Variants in TGM3 observed in about 807,000 individuals in gnomAD.
TGM3 encodes the protein protein-glutamine gamma-glutamyltransferase E.
TGM3 carries 52 observed loss-of-function variants against 73.8 expected under a neutral mutation model. The ratio of observed to expected loss-of-function variants is 0.70; its 90% CI spans 0.56 to 0.89. TGM3 has a LOEUF of 0.89. Ranked by LOEUF, TGM3 falls within the 40% of genes least tolerant of loss-of-function variation. The probability of loss-of-function intolerance (pLI) is 0.00; values close to 1 mark genes in which losing one functional copy is unlikely to be tolerated. For missense variants in TGM3, 928 were observed against 909.9 expected, an observed-to-expected ratio of 1.02 and a Z score of -0.26; for synonymous variants, 372 against 354.9, an observed-to-expected ratio of 1.05 and a Z score of -0.54.
intron 1 of TGM3, among the ~76,000 whole-genome samples, chr20:2,305,857 T>C (rs981732501): frequency 2.0e-5 from 3 of 152,188 alleles, no homozygotes; most frequent in African/African-American, 7.2e-5. Flanking sequence ...GCCTGCCTTA[T>C]GGAGTTAATG....
rs926084344 is a variant in TGM3 at position 2,296,981 on chromosome 20, T to C, written c.7+911T>C. Among the ~76,000 whole-genome samples the C allele has an allele frequency of 5.3e-5, 8 of 152,362 alleles. No individual in the cohort carries two copies. In the South Asian group the frequency reaches 1.7e-3, roughly 32 times the overall value. ...AATGCAACAGGCAAATGCTGGCTACTTCAGAAGCCACAAAAACTGGGACAG... is the reference window on the plus strand; with the variant it reads ...AATGCAACAGGCAAATGCTGGCTACCTCAGAAGCCACAAAAACTGGGACAG... On this transcript the variant is annotated intron_variant, in intron 1 of 12. Coordinates refer to ENST00000381458, the MANE Select transcript of TGM3 (RefSeq NM_003245.4).
intron 7 of TGM3, among the ~76,000 whole-genome samples, chr20:2,318,035 T>C (rs2084244924): frequency 6.6e-6 from 1 of 151,638 alleles, no homozygotes; most frequent in Non-Finnish European, 1.5e-5. Context: ...AATTATTTTT[T>C]TGAGATGGAG....
chr20:2,339,876 G>C lies in TGM3; in HGVS notation c.1823G>C (p.Arg608Pro). The change falls in exon 12 of 13, where the codon CGG becomes CCG. Residue 608 changes from arginine to proline, a missense_variant. By Grantham distance (103) the Arg-to-Pro change is moderately radical (BLOSUM62 -2). Coordinates refer to ENST00000381458, the MANE Select transcript of TGM3 (RefSeq NM_003245.4). The part of the protein sequence containing the change: ...TLEVLNEARV[R>P]KPVNVQMLFS... ...TAGGTGCTGAACGAGGCTCGTGTGC[G>C]GAAGCCTGTGAACGTGCAGATGCTC... is the stretch of plus-strand genomic sequence containing the variant. 6.2e-7 allele frequency: 1 copy of C among 1,614,080 alleles called. No individual in the cohort carries two copies. Among genetic ancestry groups the C allele is most frequent in the Non-Finnish European group, 8.5e-7 (1 of 1,180,022 alleles).
intron 1 of TGM3, among the ~76,000 whole-genome samples, chr20:2,296,576 TTAGGAATGCTCCTAAGTAA>T (rs1402087701): frequency 6.6e-6 from 1 of 152,016 alleles, no homozygotes; most frequent in Non-Finnish European, 1.5e-5. Flanking sequence ...CTTAGGAGCA[TTAGGAATGCTCCTAAGTAA>T]GCTACACATC....
At chr20:2,313,937 G>A (rs1200431621) in intron 5 of TGM3, among the ~76,000 whole-genome samples, 5 of 152,036 alleles carry the variant, frequency 3.3e-5, no homozygotes, top group Non-Finnish European at 1.5e-5. Flanking sequence ...GCACTTTGGT[G>A]GGGAGATGAC....
chr20:2,321,222 C>T (rs1196051713), intron 7 of TGM3, among the ~76,000 whole-genome samples: 3 of 152,236 alleles, frequency 2.0e-5, no homozygotes, highest in African/African-American at 7.2e-5. Context: ...GATGCAGGAA[C>T]TGTGCTGGAG....
chr20:2,306,760 A>T, intron 1 of TGM3, among the ~76,000 whole-genome samples: 1 of 152,198 alleles, frequency 6.6e-6, no homozygotes. Context: ...TACAGGTGTG[A>T]GCCACTGTAC....
chr20:2,319,808 T>C (rs2122231316), intron 7 of TGM3, among the ~76,000 whole-genome samples: 1 of 152,342 alleles, frequency 6.6e-6, no homozygotes, highest in East Asian at 1.9e-4. Flanking sequence ...CTGGAGGGCA[T>C]GAGGACAGGG....
In TGM3 at chr20:2,332,513, C is replaced by A. The variant is rs1043839781; in HGVS notation, c.1642+203C>A. ...TGCCAACCAAATGTCAGGGTGGTGCCAACCAAAATCCTTTTACGCCCCAAG... is the reference window on the plus strand; with the variant it reads ...TGCCAACCAAATGTCAGGGTGGTGCAAACCAAAATCCTTTTACGCCCCAAG... On this transcript the variant is annotated intron_variant, in intron 10 of 12. Coordinates refer to ENST00000381458, the MANE Select transcript of TGM3 (RefSeq NM_003245.4). This position sits in a 1 kb window ranked among gnomAD's most constrained non-coding sequence, Gnocchi z 4.4. Among the ~76,000 whole-genome samples, 1 of 152,084 alleles carries A rather than the reference C, an allele frequency of 6.6e-6. No homozygotes were observed. Among genetic ancestry groups the A allele is most frequent in the Non-Finnish European group, 1.5e-5 (1 of 68,016 alleles).
In TGM3 at chr20:2,340,688, T is replaced by G; in HGVS notation, c.*107T>G. 1 of 1,465,054 alleles carries G rather than the reference T, an allele frequency of 6.8e-7. No homozygotes were observed. Among genetic ancestry groups the G allele is most frequent in the Non-Finnish European group, 9.4e-7 (1 of 1,068,810 alleles). The allele number at this position is 1,465,054 out of a possible 1,614,324, so 90.8% of individuals were successfully genotyped here. On this transcript the variant is annotated 3_prime_UTR_variant, in exon 13 of 13. Coordinates refer to ENST00000381458, the MANE Select transcript of TGM3 (RefSeq NM_003245.4). ...TGTCCGGCCTGGGAAACCCTCTCCA[T>G]CTCCCAAGGCTGCCAGACATGGACC... is the stretch of plus-strand genomic sequence containing the variant.
At position 2,331,995 on chromosome 20, in the gene TGM3, C is replaced by G; in HGVS notation, c.1334-7C>G. On this transcript the variant is annotated splice_region_variant and splice_polypyrimidine_tract_variant and intron_variant, in intron 9 of 12. Coordinates refer to ENST00000381458, the MANE Select transcript of TGM3 (RefSeq NM_003245.4). Reference sequence around the variant, plus strand: ...CTGGCATGTTTCTGTCTTTTCCCACCACACAGGCTCTGACCAGGAAAGACA... The same window carrying G: ...CTGGCATGTTTCTGTCTTTTCCCACGACACAGGCTCTGACCAGGAAAGACA... 1.3e-6 allele frequency: 2 copies of G among 1,587,342 alleles called. No homozygotes were observed. The highest frequency in any genetic ancestry group is 1.7e-6 in the Non-Finnish European group (2 of 1,166,186).
intron 1 of TGM3, among the ~76,000 whole-genome samples, chr20:2,305,218 G>A (rs1467892222): frequency 1.5e-5 from 2 of 136,430 alleles, no homozygotes; most frequent in Non-Finnish European, 3.2e-5. Context: ...GTGGACGTGG[G>A]TAGTGGGCAT....
chr20:2,330,077 C>T (rs948782860), intron 9 of TGM3, among the ~76,000 whole-genome samples: 2 of 152,028 alleles, frequency 1.3e-5, no homozygotes, highest in Non-Finnish European at 2.9e-5. Flanking sequence ...CTGAAGGACT[C>T]CCAGCAATGC....
At chr20:2,311,750 A>C (rs897761840) in intron 4 of TGM3, among the ~76,000 whole-genome samples, 7 of 152,152 alleles carry the variant, frequency 4.6e-5, no homozygotes, top group Non-Finnish European at 8.8e-5. Flanking sequence ...TCTGTAGTCA[A>C]CTGGAGCAAG....
chr20:2,305,946 C>A (rs2084174583), intron 1 of TGM3, among the ~76,000 whole-genome samples: 1 of 152,236 alleles, frequency 6.6e-6, no homozygotes, highest in Non-Finnish European at 1.5e-5. Context: ...ATGATCACCA[C>A]CACCACAGTC....
chr20:2,320,041 G>C (rs1383609185), intron 7 of TGM3, among the ~76,000 whole-genome samples: 1 of 152,248 alleles, frequency 6.6e-6, no homozygotes, highest in South Asian at 2.1e-4. Context: ...GAGCCCTGCT[G>C]TTCCTTCCTC....
At position 2,328,491 on chromosome 20, in the gene TGM3, A is replaced by T. The variant is rs1366693362; in HGVS notation, c.1333+126A>T. 1.5e-6 allele frequency: 2 copies of T among 1,327,738 alleles called. No homozygotes were observed. The highest frequency in any genetic ancestry group is 2.1e-6 in the Non-Finnish European group (2 of 971,418). The allele number at this position is 1,327,738 out of a possible 1,614,324, so 82.2% of individuals were successfully genotyped here. On this transcript the variant is annotated intron_variant, in intron 9 of 12. Transcript: ENST00000381458. The surrounding 1 kb of genome is among the most constrained non-coding windows in gnomAD (Gnocchi z 5.2). ...CAGCCAGTTCTGCCTGAATGATAGG[A>T]TTGCTCCCTAGCACCTAACATCCAC...
intron 9 of TGM3, among the ~76,000 whole-genome samples, chr20:2,329,543 G>A (rs186713447): frequency 6.6e-6 from 1 of 152,248 alleles, no homozygotes; most frequent in East Asian, 1.9e-4. Context: ...TTCATGCTGG[G>A]CCTTGGGGAT....
chr20:2,296,161 C>A, intron 1 of TGM3, 91 bp downstream of exon 1: 1 of 1,487,010 alleles, frequency 6.7e-7, no homozygotes, highest in Admixed American at 2.0e-5. Flanking sequence ...CCGGCCAGGA[C>A]AGCTGCCTGC....
Sources: gnomAD v4.1 joint callset for allele counts (sites outside exome capture counted in the v4.1 genomes callset) on GRCh38, gnomAD v4.1.1 for gene constraint, Gnocchi (gnomAD v3.1) non-coding constraint, MANE v1.5 for transcripts, NCBI Gene and HGNC (gene_info 2026-07-23, HGNC 2026-07-21) for gene names.